MEI4: variants seen among roughly 807,000 people sequenced by gnomAD.
MEI4 encodes the protein meiotic double-stranded break formation protein 4.
Under a neutral mutation model 31.4 loss-of-function variants are expected in MEI4, and 27 were observed. The observed-to-expected ratio is 0.86, with a 90% CI of 0.63 to 1.19. The LOEUF (loss-of-function observed/expected upper bound fraction) is 1.19. Among genes scored for constraint, MEI4 ranks in the 50% most tolerant of loss-of-function variants. MEI4 has a pLI of 0.00. For missense variants in MEI4, 329 were observed against 398.9 expected (o/e 0.82, Z 1.49); for synonymous variants, 122 against 145.4 (o/e 0.84, Z 1.16).
At chr6:77,764,548 A>G (rs1768121925) in intron 3 of MEI4, among the ~76,000 whole-genome samples, 1 of 152,208 alleles carries the variant, frequency 6.6e-6, no homozygotes. Context: ...TGGATGGAAC[A>G]TCCAGACAGA....
intron 4 of MEI4, among the ~76,000 whole-genome samples, chr6:77,869,941 G>A (rs1007973199): frequency 1.3e-5 from 2 of 152,102 alleles, no homozygotes; most frequent in South Asian, 2.1e-4. Flanking sequence ...GATGTACTGA[G>A]TGCCTATCAG....
chr6:77,797,969 C>A (rs1049582453), intron 3 of MEI4, among the ~76,000 whole-genome samples: 2 of 152,096 alleles, frequency 1.3e-5, no homozygotes, highest in African/African-American at 4.8e-5. Context: ...GAGTCTCACA[C>A]ACACAAGCCT....
intron 1 of MEI4, among the ~76,000 whole-genome samples, chr6:77,677,692 A>G (rs1374727134): frequency 6.6e-6 from 1 of 152,208 alleles, no homozygotes; most frequent in South Asian, 2.1e-4. Context: ...GTTGTCTTTC[A>G]GAAGTCCAGA....
chr6:77,914,036 A>AAG lies in MEI4; in HGVS notation c.901-9052_901-9051insGA, dbSNP rs199928215. Among the ~76,000 whole-genome samples, 1,211 of 150,660 alleles carry AAG rather than the reference A, an allele frequency of 8.0e-3. 15 individuals are homozygous for AAG. The highest frequency in any genetic ancestry group is 0.041 in the Middle Eastern group (12 of 290). On this transcript the variant is annotated intron_variant, in intron 4 of 4. Transcript: ENST00000684080. ...CCAGCAGAGTGAAACTGTTTCAAGAAAAAAAAAAAAAACTTTCGTTGATGT... is the reference window on the plus strand; with the variant it reads ...CCAGCAGAGTGAAACTGTTTCAAGAAAGAAAAAAAAAAAACTTTCGTTGATGT...
upstream of MEI4, among the ~76,000 whole-genome samples, chr6:77,651,765 G>T (rs757406191): frequency 9.2e-5 from 14 of 152,076 alleles, no homozygotes; most frequent in Non-Finnish European, 1.8e-4. Flanking sequence ...TTCAGGACAT[G>T]GTAATGGACC....
At chr6:77,913,698 A>T (rs1766479380) in intron 4 of MEI4, among the ~76,000 whole-genome samples, 1 of 149,826 alleles carries the variant, frequency 6.7e-6, no homozygotes, top group South Asian at 2.1e-4. Context: ...GTTAGTCTAG[A>T]TAACAGATTA....
At chr6:77,700,417 G>T (rs1766188945) in intron 2 of MEI4, among the ~76,000 whole-genome samples, 1 of 152,204 alleles carries the variant, frequency 6.6e-6, no homozygotes, top group South Asian at 2.1e-4. Context: ...TAATCTCCTG[G>T]TGTGCCGTTT....
chr6:77,854,857 G>T, intron 4 of MEI4, among the ~76,000 whole-genome samples: 1 of 151,840 alleles, frequency 6.6e-6, no homozygotes, highest in East Asian at 1.9e-4. Context: ...TATAGATGAG[G>T]TGATAACTTT....
At chr6:77,734,212 A>T (rs1254683150) in intron 2 of MEI4, among the ~76,000 whole-genome samples, 1 of 151,968 alleles carries the variant, frequency 6.6e-6, no homozygotes, top group Non-Finnish European at 1.5e-5. Context: ...GATCTGTCTA[A>T]TGTTGACAGT....
chr6:77,782,518 G>A (rs930986798), intron 3 of MEI4, among the ~76,000 whole-genome samples: 1 of 152,094 alleles, frequency 6.6e-6, no homozygotes, highest in Non-Finnish European at 1.5e-5. Context: ...GGATTTTGGA[G>A]ACTTTATTCC....
chr6:77,704,710 A>G (rs553757456), intron 2 of MEI4, among the ~76,000 whole-genome samples: 1 of 152,310 alleles, frequency 6.6e-6, no homozygotes, highest in Admixed American at 6.5e-5. Flanking sequence ...ACAAAAGTGA[A>G]ACATATGTTC....
chr6:77,706,383 A>G (rs1295165674), intron 2 of MEI4, among the ~76,000 whole-genome samples: 1 of 152,096 alleles, frequency 6.6e-6, no homozygotes, highest in East Asian at 1.9e-4. Context: ...CTCTTTGACT[A>G]TTACCATTAG....
rs146380120 is a variant in MEI4, at chr6:77,803,405, C to T, written c.769-25526C>T. ...TTTTTCAAGATTTTTAACTTCCTTGCCATGGGTTTGAACTTCCTCCTTTAG... is the reference window on the plus strand; with the variant it reads ...TTTTTCAAGATTTTTAACTTCCTTGTCATGGGTTTGAACTTCCTCCTTTAG... On this transcript the variant is annotated intron_variant, in intron 3 of 4. Coordinates refer to ENST00000684080, the MANE Select transcript of MEI4 (RefSeq NM_001322247.2). Among the ~76,000 whole-genome samples the T allele has an allele frequency of 8.4e-3, 1,277 of 152,158 alleles. 13 individuals carry two copies. The highest frequency in any genetic ancestry group is 0.028 in the African/African-American group (1,182 of 41,500).
At chr6:77,739,744 G>A (rs1465220233) in intron 2 of MEI4, among the ~76,000 whole-genome samples, 2 of 151,472 alleles carry the variant, frequency 1.3e-5, no homozygotes, top group African/African-American at 4.8e-5. Flanking sequence ...AAAAAAATAG[G>A]AAAACCAACT....
chr6:77,744,840 C>G (rs1455458159), intron 2 of MEI4, among the ~76,000 whole-genome samples: 1 of 152,190 alleles, frequency 6.6e-6, no homozygotes, highest in South Asian at 2.1e-4. Flanking sequence ...AAAGAATTTT[C>G]AACCCAGAAT....
chr6:77,754,640 A>T (rs1767866116), intron 2 of MEI4, among the ~76,000 whole-genome samples: 1 of 152,100 alleles, frequency 6.6e-6, no homozygotes, highest in African/African-American at 2.4e-5. Flanking sequence ...GTATTAGTTC[A>T]TTTTCACTCT....
chr6:77,795,683 T>C (rs1278615350), intron 3 of MEI4, among the ~76,000 whole-genome samples: 1 of 151,614 alleles, frequency 6.6e-6, no homozygotes, highest in Non-Finnish European at 1.5e-5. Flanking sequence ...GATAAATTCT[T>C]AGAAATACAC....
chr6:77,923,423 TC>T lies in MEI4; in HGVS notation c.*78del. Reference sequence around the variant, plus strand: ...TGAAAATCTCATACTGAAAAGATTTTCAATAGTATTTTAATTAGCATTTTAG... The same window carrying T: ...TGAAAATCTCATACTGAAAAGATTTTAATAGTATTTTAATTAGCATTTTAG... On this transcript the variant is annotated 3_prime_UTR_variant, in exon 5 of 5. Coordinates refer to ENST00000684080, the MANE Select transcript of MEI4 (RefSeq NM_001322247.2). 7 of 1,086,384 alleles carry T rather than the reference TC, an allele frequency of 6.4e-6. No homozygotes were observed. Among genetic ancestry groups the T allele is most frequent in the Non-Finnish European group, 8.2e-6 (7 of 856,958 alleles). 67.3% of individuals were successfully genotyped at this position (1,086,384 alleles called of 1,614,324 possible). A position where few individuals can be genotyped will look rare whatever the true frequency, so the allele number is the denominator to read the frequency against.
intron 4 of MEI4, among the ~76,000 whole-genome samples, chr6:77,859,920 A>T (rs1239973513): frequency 6.6e-6 from 1 of 152,198 alleles, no homozygotes; most frequent in East Asian, 1.9e-4. Flanking sequence ...CAAAAGCCAG[A>T]TGCAAATCTT....
Sources: allele counts gnomAD v4.1 joint callset (sites outside exome capture counted in the v4.1 genomes callset), GRCh38; gene constraint gnomAD v4.1.1; transcripts MANE v1.5; gene names NCBI Gene and HGNC (gene_info 2026-07-23, HGNC 2026-07-21).